The following NCAM2 variants were observed in gnomAD, a reference collection of about 807,000 sequenced individuals.
NCAM2 encodes neural cell adhesion molecule 2, also known as N-CAM-2.
NCAM2 carries 30 observed loss-of-function variants against 98.1 expected under a neutral mutation model. The ratio of observed to expected loss-of-function variants is 0.31; its 90% CI spans 0.23 to 0.41. The LOEUF (loss-of-function observed/expected upper bound fraction) is 0.41. Ranked by LOEUF, NCAM2 falls within the 10% of genes least tolerant of loss-of-function variation. NCAM2 has a pLI of 1.00. For synonymous variants in NCAM2, 368 were observed against 342.4 expected, an observed-to-expected ratio of 1.07 and a Z score of -0.83; for missense variants, 867 against 1,005.8, an observed-to-expected ratio of 0.86 and a Z score of 1.87.
At chr21:21,112,445 C>T (rs749203739) in intron 1 of NCAM2, among the ~76,000 whole-genome samples, 7 of 152,306 alleles carry the variant, frequency 4.6e-5, no homozygotes, top group Non-Finnish European at 1.0e-4. Flanking sequence ...TCTATTACAA[C>T]TTCTATCAAC....
intron 16 of NCAM2, among the ~76,000 whole-genome samples, chr21:21,521,284 A>G (rs1989001127): frequency 6.6e-6 from 1 of 152,116 alleles, no homozygotes; most frequent in South Asian, 2.1e-4. Flanking sequence ...TAATCATGGG[A>G]TGATAGTCTC....
At chr21:21,436,955 A>C (rs1735821872) in intron 12 of NCAM2, among the ~76,000 whole-genome samples, 1 of 150,946 alleles carries the variant, frequency 6.6e-6, no homozygotes, top group Non-Finnish European at 1.5e-5. Flanking sequence ...TGTATTTTTT[A>C]GTAAAAATGT....
intron 1 of NCAM2, among the ~76,000 whole-genome samples, chr21:21,010,747 A>G (rs775709344): frequency 6.6e-6 from 1 of 152,102 alleles, no homozygotes; most frequent in African/African-American, 2.4e-5. Context: ...GTCTCAGGTG[A>G]TGGACATGGA....
chr21:21,072,449 A>G (rs189627958), intron 1 of NCAM2, among the ~76,000 whole-genome samples: 4 of 152,356 alleles, frequency 2.6e-5, no homozygotes, highest in Admixed American at 2.6e-4. Flanking sequence ...CAAAATTTCT[A>G]AAGTTAAAAT....
intron 11 of NCAM2, 111 bp downstream of exon 11, chr21:21,418,680 C>T: frequency 2.5e-6 from 2 of 806,700 alleles, no homozygotes; most frequent in Non-Finnish European, 2.2e-6. Flanking sequence ...AACAATGGAT[C>T]TCTTGGAGAT....
At chr21:21,407,901 T>C (rs189684963) in intron 9 of NCAM2, among the ~76,000 whole-genome samples, 32 of 152,342 alleles carry the variant, frequency 2.1e-4, no homozygotes, top group African/African-American at 7.7e-4. Context: ...GCTTCTCTTA[T>C]AGTTGTTCCT....
chr21:21,468,795 G>T lies in NCAM2; in HGVS notation c.1896+12G>T. On this transcript the variant is annotated intron_variant, in intron 14 of 17. Coordinates refer to ENST00000400546, the MANE Select transcript of NCAM2 (RefSeq NM_004540.5). ...TGAAATATAGAAGTGTAAGTACCTT[G>T]TTTATTGTCATATCATGCTAGGTTT... 6.2e-7 allele frequency: 1 copy of T among 1,605,190 alleles called. No individual in the cohort carries two copies. The highest frequency in any genetic ancestry group is 1.1e-5 in the South Asian group (1 of 89,976).
chr21:21,420,792 A>G lies in NCAM2; in HGVS notation c.1480+2223A>G, dbSNP rs905842800. 4.6e-5 allele frequency among the ~76,000 whole-genome samples: 7 copies of G among 151,908 alleles called. 1 individual carries two copies. Among genetic ancestry groups the G allele is most frequent in the Admixed American group, 3.9e-4 (6 of 15,222 alleles). The stretch of plus-strand genomic sequence containing the variant: ...AAGGAATTGATGGAAGAAGGCAGGG[A>G]GAAAAAAAATCAAGATAAGTGAGTT... On this transcript the variant is annotated intron_variant, in intron 11 of 17. Coordinates refer to ENST00000400546, the MANE Select transcript of NCAM2 (RefSeq NM_004540.5).
At chr21:21,106,161 A>G (rs2066341163) in intron 1 of NCAM2, among the ~76,000 whole-genome samples, 3 of 151,868 alleles carry the variant, frequency 2.0e-5, no homozygotes, top group Non-Finnish European at 1.5e-5. Flanking sequence ...TTAAAAACTT[A>G]GTTGGGTGTG....
chr21:21,421,953 T>A (rs2077119500), intron 11 of NCAM2, among the ~76,000 whole-genome samples: 1 of 152,188 alleles, frequency 6.6e-6, no homozygotes, highest in South Asian at 2.1e-4. Flanking sequence ...TCTTTTTTCC[T>A]TGCATTTTCC....
At chr21:21,513,966 A>T (rs1314018898) in intron 16 of NCAM2, among the ~76,000 whole-genome samples, 3 of 151,950 alleles carry the variant, frequency 2.0e-5, no homozygotes, top group Admixed American at 1.3e-4. Flanking sequence ...CTATTTTTAC[A>T]GTCCTTATTC....
chr21:21,321,398 CA>C (rs76298350), intron 5 of NCAM2, among the ~76,000 whole-genome samples: 64,111 of 151,976 alleles, frequency 0.42, 14,786 homozygotes, highest in Non-Finnish European at 0.53. Context: ...TTTTGCTGTG[CA>C]AAAGCTGTTT....
intron 15 of NCAM2, among the ~76,000 whole-genome samples, chr21:21,505,864 T>C (rs1190043646): frequency 1.3e-5 from 2 of 152,000 alleles, no homozygotes; most frequent in African/African-American, 4.8e-5. Context: ...CACAATCTTC[T>C]CAACAAACTT....
chr21:21,274,205 G>A (rs1386474229), intron 1 of NCAM2, among the ~76,000 whole-genome samples: 1 of 151,674 alleles, frequency 6.6e-6, no homozygotes, highest in Non-Finnish European at 1.5e-5. Flanking sequence ...AGCCCTAGAA[G>A]GATTCAGATG....
intron 10 of NCAM2, among the ~76,000 whole-genome samples, chr21:21,411,123 T>TATGTATATATATAC (rs1569033653): frequency 1.2e-4 from 7 of 60,826 alleles, no homozygotes; most frequent in South Asian, 5.6e-4. Flanking sequence ...TATATATATA[T>TATGTATATATATAC]ACACATATAT....
chr21:21,409,143 A>G (rs758411109), intron 9 of NCAM2, among the ~76,000 whole-genome samples: 38 of 152,304 alleles, frequency 2.5e-4, no homozygotes, highest in Non-Finnish European at 4.7e-4. Context: ...TGTAAAAATA[A>G]TTATAAAATC....
At chr21:21,287,486 A>G (rs2073143765) in intron 4 of NCAM2, among the ~76,000 whole-genome samples, 1 of 151,982 alleles carries the variant, frequency 6.6e-6, no homozygotes, top group Admixed American at 6.6e-5. Context: ...TGTATTAACA[A>G]GTCACATGAG....
At chr21:21,537,272 C>G (rs191455645) in intron 17 of NCAM2, among the ~76,000 whole-genome samples, 10 of 151,926 alleles carry the variant, frequency 6.6e-5, no homozygotes, top group Non-Finnish European at 1.2e-4. Flanking sequence ...GTCTTGAACT[C>G]CTGACCTCAA....
At chr21:21,172,048 G>T (rs2068142182) in intron 1 of NCAM2, among the ~76,000 whole-genome samples, 1 of 151,964 alleles carries the variant, frequency 6.6e-6, no homozygotes, top group Admixed American at 6.6e-5. Flanking sequence ...ACACACATGG[G>T]CTGTGGCTTT....
Sources: gnomAD v4.1 joint callset for allele counts (sites outside exome capture counted in the v4.1 genomes callset) on GRCh38, gnomAD v4.1.1 for gene constraint, MANE v1.5 for transcripts, NCBI Gene and HGNC (gene_info 2026-07-23, HGNC 2026-07-21) for gene names.